The following ADARB2 variants were observed in gnomAD, a reference collection of about 807,000 sequenced individuals.
The protein encoded by ADARB2 is adenosine deaminase RNA specific B2 (inactive).
Under a neutral mutation model 62.2 loss-of-function variants are expected in ADARB2, and 25 were observed. The ratio of observed to expected loss-of-function variants is 0.40; its 90% CI spans 0.29 to 0.56. The LOEUF (loss-of-function observed/expected upper bound fraction) is 0.56. Ranked by LOEUF, ADARB2 falls within the 20% of genes least tolerant of loss-of-function variation. The probability of loss-of-function intolerance (pLI) is 0.43; values close to 1 mark genes in which losing one functional copy is unlikely to be tolerated. For missense variants in ADARB2, 1,071 were observed against 1,077.4 expected, an observed-to-expected ratio of 0.99 and a Z score of 0.08; for synonymous variants, 572 against 500.8, an observed-to-expected ratio of 1.14 and a Z score of -1.90.
intron 1 of ADARB2, among the ~76,000 whole-genome samples, chr10:1,463,613 C>T (rs934553831): frequency 1.3e-5 from 2 of 151,972 alleles, no homozygotes; most frequent in Middle Eastern, 3.2e-3. Context: ...CATAATAGAC[C>T]CAGACATGAT....
At chr10:1,275,844 T>C (rs543400955) in intron 3 of ADARB2, among the ~76,000 whole-genome samples, 33 of 152,262 alleles carry the variant, frequency 2.2e-4, no homozygotes, top group African/African-American at 7.0e-4. Context: ...ACTCATCATT[T>C]TTTATGGCTG....
intron 7 of ADARB2, among the ~76,000 whole-genome samples, chr10:1,205,462 G>A (rs992305376): frequency 4.0e-5 from 6 of 151,272 alleles, no homozygotes; most frequent in African/African-American, 1.2e-4. Flanking sequence ...ACGGGAGCCC[G>A]TGGCACAGCC....
intron 5 of ADARB2, among the ~76,000 whole-genome samples, chr10:1,234,620 T>C (rs538691265): frequency 6.6e-6 from 1 of 151,934 alleles, no homozygotes; most frequent in Non-Finnish European, 1.5e-5. Context: ...TATTTACTTT[T>C]TTTTAGAGAC....
chr10:1,486,440 G>C, intron 1 of ADARB2, among the ~76,000 whole-genome samples: 1 of 152,152 alleles, frequency 6.6e-6, no homozygotes, highest in East Asian at 1.9e-4. Flanking sequence ...TAGACACAAA[G>C]TCTGCACATT....
intron 3 of ADARB2, among the ~76,000 whole-genome samples, chr10:1,327,717 A>G (rs112341287): frequency 0.014 from 593 of 43,586 alleles, 103 homozygotes; most frequent in African/African-American, 0.047. Flanking sequence ...GTGCCTACCC[A>G]CAGTTCAGCA....
At chr10:1,316,571 A>T (rs562138526) in intron 3 of ADARB2, among the ~76,000 whole-genome samples, 1 of 152,214 alleles carries the variant, frequency 6.6e-6, no homozygotes, top group South Asian at 2.1e-4. Flanking sequence ...CCGGAATAGG[A>T]TTGTTTAAAA....
Position 1,657,700 on chromosome 10 carries a change from C to T in ADARB2, c.100+79351G>A, listed in dbSNP as rs370047883. Among the ~76,000 whole-genome samples, 7 of 152,304 alleles carry T rather than the reference C, an allele frequency of 4.6e-5. No individual in the cohort carries two copies. The East Asian group carries it at 7.7e-4, about 17-fold the overall frequency. On this transcript the variant is annotated intron_variant, in intron 1 of 9. Transcript: ENST00000381312. Reference sequence around the variant, plus strand: ...AATGCAGTATGTCCTCTAAGCCGAGCGCAGGGTGCTGGAATCCGAGAGCCA... The same window carrying T: ...AATGCAGTATGTCCTCTAAGCCGAGTGCAGGGTGCTGGAATCCGAGAGCCA...
rs772503549 is a variant in ADARB2, at chr10:1,453,965, ATTC to A, written c.101-74808_101-74806del. On this transcript the variant is annotated intron_variant, in intron 1 of 9. Transcript: ENST00000381312. ...AATAAAATTGCCATATAGTCAAGCA[ATTC>A]TTCTAGTTATATAGTGTATTGGTCT... is the stretch of plus-strand genomic sequence containing the variant. Among the ~76,000 whole-genome samples, 14 of 152,332 alleles carry A rather than the reference ATTC, an allele frequency of 9.2e-5. No individual in the cohort carries two copies. In the South Asian group the frequency reaches 2.9e-3, roughly 32 times the overall value.
At chr10:1,554,065 G>A (rs146594123) in intron 1 of ADARB2, among the ~76,000 whole-genome samples, 39 of 152,318 alleles carry the variant, frequency 2.6e-4, no homozygotes, top group Non-Finnish European at 4.9e-4. Flanking sequence ...ACAGCCCAGG[G>A]CAGAGACAGA....
At chr10:1,188,501 T>C (rs1836794536) in intron 8 of ADARB2, among the ~76,000 whole-genome samples, 1 of 152,222 alleles carries the variant, frequency 6.6e-6, no homozygotes, top group Non-Finnish European at 1.5e-5. Context: ...TGCTTACGCT[T>C]TGAGCTTCTA....
At chr10:1,249,372 G>A (rs1310302799) in intron 4 of ADARB2, among the ~76,000 whole-genome samples, 1 of 151,706 alleles carries the variant, frequency 6.6e-6, no homozygotes, top group Non-Finnish European at 1.5e-5. Flanking sequence ...AGCCCTGGAG[G>A]CGGAGGTTGG....
At chr10:1,640,303 A>G (rs1362065301) in intron 1 of ADARB2, among the ~76,000 whole-genome samples, 2 of 152,186 alleles carry the variant, frequency 1.3e-5, no homozygotes, top group Non-Finnish European at 2.9e-5. Flanking sequence ...TGCTTCTTTA[A>G]TAGGGACACA....
At chr10:1,298,368 T>C (rs942140408) in intron 3 of ADARB2, among the ~76,000 whole-genome samples, 2 of 152,198 alleles carry the variant, frequency 1.3e-5, no homozygotes, top group African/African-American at 4.8e-5. Flanking sequence ...AGGGTTTCCA[T>C]GGAGTCTGCT....
intron 1 of ADARB2, among the ~76,000 whole-genome samples, chr10:1,577,184 G>T (rs961478711): frequency 5.3e-5 from 8 of 151,602 alleles, no homozygotes; most frequent in Non-Finnish European, 1.2e-4. Context: ...AAGCTGCAGT[G>T]ATACCCTCAT....
chr10:1,481,905 T>C (rs1831478044), intron 1 of ADARB2, among the ~76,000 whole-genome samples: 1 of 151,494 alleles, frequency 6.6e-6, no homozygotes, highest in African/African-American at 2.4e-5. Context: ...CAACAACACT[T>C]AACCCATCCA....
chr10:1,568,550 A>G (rs1320021226), intron 1 of ADARB2, among the ~76,000 whole-genome samples: 1 of 151,828 alleles, frequency 6.6e-6, no homozygotes, highest in East Asian at 1.9e-4. Context: ...AAAGAAAAGA[A>G]AGAAAGAAAA....
rs185161921 is a variant in ADARB2 at position 1,518,433 on chromosome 10, C to T, written c.101-139273G>A. 9.2e-5 allele frequency among the ~76,000 whole-genome samples: 14 copies of T among 152,298 alleles called. No homozygotes were observed. In the East Asian group the frequency reaches 1.5e-3, roughly 17 times the overall value. ...TCTGTGGAAACGTAGCCTGTGAGGA[C>T]GGAGCTCTGCACTCCAAGCTCCTGG... On this transcript the variant is annotated intron_variant, in intron 1 of 9. Coordinates refer to ENST00000381312, the MANE Select transcript of ADARB2 (RefSeq NM_018702.4).
intron 4 of ADARB2, among the ~76,000 whole-genome samples, chr10:1,262,385 C>T (rs190074342): frequency 0.028 from 4,192 of 151,484 alleles, 99 homozygotes; most frequent in Non-Finnish European, 0.043. Flanking sequence ...GCAACCCACT[C>T]ATGTGACAAA....
intron 1 of ADARB2, among the ~76,000 whole-genome samples, chr10:1,611,240 C>A (rs1005828074): frequency 3.9e-5 from 6 of 152,254 alleles, no homozygotes; most frequent in African/African-American, 1.4e-4. Flanking sequence ...CATCTTCCAG[C>A]GGCCGATCTT....
Sources: gnomAD v4.1 joint callset for allele counts (sites outside exome capture counted in the v4.1 genomes callset) on GRCh38, gnomAD v4.1.1 for gene constraint, MANE v1.5 for transcripts, NCBI Gene and HGNC (gene_info 2026-07-23, HGNC 2026-07-21) for gene names.